CXXC5: variants seen among roughly 807,000 people sequenced by gnomAD.
The protein encoded by CXXC5 is CXXC finger protein 5.
Under a neutral mutation model 17.6 loss-of-function variants are expected in CXXC5, and 2 were observed. The ratio of observed to expected loss-of-function variants is 0.11; its 90% confidence interval spans 0.05 to 0.36. The LOEUF is 0.36. Ranked by LOEUF, CXXC5 falls within the 10% of genes least tolerant of loss-of-function variation. The pLI is 1.00. For missense variants in CXXC5, 343 were observed against 458.3 expected (o/e 0.75, Z 2.30); for synonymous variants, 171 against 193.0 (o/e 0.89, Z 0.94).
intron 1 of CXXC5, among the ~76,000 whole-genome samples, chr5:139,679,227 C>G (rs1366615028): frequency 2.0e-5 from 3 of 152,230 alleles, no homozygotes; most frequent in African/African-American, 7.2e-5. Flanking sequence ...TGTGAGGCCT[C>G]TGCCCACCAC....
intron 1 of CXXC5, among the ~76,000 whole-genome samples, chr5:139,667,248 TC>T (rs1756158383): frequency 6.6e-6 from 1 of 152,162 alleles, no homozygotes; most frequent in Non-Finnish European, 1.5e-5. Context: ...AGGCATTTCC[TC>T]CTCCCACCTC....
At position 139,681,354 on chromosome 5, in the gene CXXC5, G is replaced by A. The variant is rs1228657586; in HGVS notation, c.831G>A (p.Gln277=). 2.5e-6 allele frequency: 4 copies of A among 1,607,038 alleles called. No individual in the cohort carries two copies. The highest frequency in any genetic ancestry group is 3.4e-6 in the Non-Finnish European group (4 of 1,176,140). The change falls in exon 2 of 3, where the codon CAG becomes CAA. Residue 277 remains glutamine, a synonymous_variant. Transcript: ENST00000302517. ...APCRRRINCE[Q]CSSCRNRKTG... Reference sequence around the variant, plus strand: ...GCCGGCGGCGCATCAACTGCGAGCAGTGCAGCAGTTGTAGGAATCGAAAGA... The same window carrying A: ...GCCGGCGGCGCATCAACTGCGAGCAATGCAGCAGTTGTAGGAATCGAAAGA...
At chr5:139,678,806 TG>T (rs1202516449) in intron 1 of CXXC5, among the ~76,000 whole-genome samples, 5 of 152,180 alleles carry the variant, frequency 3.3e-5, no homozygotes, top group African/African-American at 1.2e-4. Flanking sequence ...GCCCGCCAGA[TG>T]TGCGCCTCCC....
intron 2 of CXXC5, among the ~76,000 whole-genome samples, chr5:139,681,746 A>G (rs1250633099): frequency 1.3e-5 from 2 of 152,248 alleles, no homozygotes; most frequent in African/African-American, 2.4e-5. Context: ...GTTCTGGGTC[A>G]GGTATTGAGA....
chr5:139,656,411 CACA>C (rs1334044450), intron 1 of CXXC5, among the ~76,000 whole-genome samples: 5 of 152,228 alleles, frequency 3.3e-5, no homozygotes, highest in African/African-American at 1.2e-4. Context: ...CTCACACAGG[CACA>C]CATATGTACG....
In CXXC5 at chr5:139,661,330, C is replaced by T. The variant is rs768264465; in HGVS notation, c.-161+12485C>T. Among the ~76,000 whole-genome samples the T allele has an allele frequency of 5.3e-5, 8 of 152,164 alleles. No homozygotes were observed. Among genetic ancestry groups the T allele is most frequent in the South Asian group, 2.1e-4 (1 of 4,828 alleles). The stretch of plus-strand genomic sequence containing the variant: ...GCCTGGCAGTTAGAGTGCACACTCA[C>T]GCACCCCACACGCGGCACACCCAGG... On this transcript the variant is annotated intron_variant, in intron 1 of 2. Coordinates refer to ENST00000302517, the MANE Select transcript of CXXC5 (RefSeq NM_016463.9). The surrounding 1 kb of genome is among the most constrained non-coding windows in gnomAD (Gnocchi z 4.7).
Position 139,681,113 on chromosome 5 carries a change from C to T in CXXC5, c.590C>T (p.Ala197Val). The T allele has an allele frequency of 6.2e-7, 1 of 1,612,724 alleles. No individual in the cohort carries two copies. The highest frequency in any genetic ancestry group is 8.5e-7 in the Non-Finnish European group (1 of 1,179,950). ...GGCCTGCCTGACATGGAGGCTGTGG[C>T]AGGTGCCGAAGCCCTCAATGGCCAG... ...GAGLPDMEAV[A>V]GAEALNGQSD... The change falls in exon 2 of 3, where the codon GCA becomes GTA. Residue 197 changes from alanine to valine, a missense_variant. This residue lies in a region of CXXC5 where 297 missense variants were observed against 363.4 expected (regional missense o/e 0.82). Coordinates refer to ENST00000302517, the MANE Select transcript of CXXC5 (RefSeq NM_016463.9).
rs1366304385 is a variant in CXXC5, at chr5:139,668,741, G to T, written c.-160-11623G>T. Among the ~76,000 whole-genome samples, 2 of 152,216 alleles carry T rather than the reference G, an allele frequency of 1.3e-5. No individual in the cohort carries two copies. The highest frequency in any genetic ancestry group is 4.8e-5 in the African/African-American group (2 of 41,444). On this transcript the variant is annotated intron_variant, in intron 1 of 2. Coordinates refer to ENST00000302517, the MANE Select transcript of CXXC5 (RefSeq NM_016463.9). This position sits in a 1 kb window ranked among gnomAD's most constrained non-coding sequence, Gnocchi z 4.1. ...GAGAGATATGCTTATCCCAGGCGGA[G>T]CGGAGAAGGCTGGGGGATGACTGAT...
chr5:139,677,491 T>C (rs601728), intron 1 of CXXC5, among the ~76,000 whole-genome samples: 50,560 of 152,098 alleles, frequency 0.33, 8,777 homozygotes, highest in Middle Eastern at 0.45. Context: ...GAGCCAGGTA[T>C]CAGGGCCGAT....
chr5:139,674,921 A>G (rs627817), intron 1 of CXXC5, among the ~76,000 whole-genome samples: 52,794 of 151,826 alleles, frequency 0.35, 9,620 homozygotes, highest in Middle Eastern at 0.42. Flanking sequence ...CACACCTCAC[A>G]TCTTCTTCCC....
intron 1 of CXXC5, among the ~76,000 whole-genome samples, chr5:139,655,079 G>A (rs1755414242): frequency 6.6e-6 from 1 of 152,142 alleles, no homozygotes; most frequent in East Asian, 1.9e-4. Context: ...AGGCCTCCTG[G>A]CTTTCTTGAT....
At chr5:139,657,315 T>C (rs1755541731) in intron 1 of CXXC5, among the ~76,000 whole-genome samples, 1 of 152,254 alleles carries the variant, frequency 6.6e-6, no homozygotes, top group South Asian at 2.1e-4. Flanking sequence ...TGCTGTTTCC[T>C]GCACCTTCCA....
In CXXC5 at chr5:139,681,127, C is replaced by A. The variant is rs773682660; in HGVS notation, c.604C>A (p.Leu202Ile). Residue 202 changes from leucine (L) to isoleucine (I), a missense_variant, in exon 2 of 3, where the codon CTC becomes ATC. Leu to Ile is a conservative substitution (Grantham distance 5). Around this residue, in one of 4 missense-constraint regions of CXXC5, gnomAD observed 297 missense variants for 363.4 expected, o/e 0.82. Transcript: ENST00000302517. The part of the protein sequence containing the change: ...DMEAVAGAEA[L>I]NGQSDFPYLG... The stretch of plus-strand genomic sequence containing the variant: ...GGAGGCTGTGGCAGGTGCCGAAGCC[C>A]TCAATGGCCAGTCCGACTTCCCCTA... 6.2e-7 allele frequency: 1 copy of A among 1,612,796 alleles called. No individual in the cohort carries two copies. Among genetic ancestry groups the A allele is most frequent in the Non-Finnish European group, 8.5e-7 (1 of 1,179,966 alleles).
Position 139,667,834 on chromosome 5 carries a change from G to A in CXXC5, c.-160-12530G>A, listed in dbSNP as rs116653712. On this transcript the variant is annotated intron_variant, in intron 1 of 2. Transcript: ENST00000302517. Reference sequence around the variant, plus strand: ...AAGAGATCACGCATATGTTGTTCTCGCCATCCTTATTATTACTACTGACAC... The same window carrying A: ...AAGAGATCACGCATATGTTGTTCTCACCATCCTTATTATTACTACTGACAC... Among the ~76,000 whole-genome samples the A allele has an allele frequency of 1.2e-3, 189 of 152,216 alleles. 1 individual carries two copies. Among genetic ancestry groups the A allele is most frequent in the African/African-American group, 4.2e-3 (176 of 41,522 alleles).
intron 2 of CXXC5, 65 bp downstream of exon 2, chr5:139,681,512 C>G: frequency 6.6e-7 from 1 of 1,504,158 alleles, no homozygotes; most frequent in Non-Finnish European, 8.9e-7. Context: ...AACCCACCCC[C>G]ATCCCCTGAC....
chr5:139,663,010 A>T lies in CXXC5; in HGVS notation c.-161+14165A>T. ...GACCTGGCATTTTTCTGGGGGTGGC[A>T]TCCCACAACAAGGGCTCCTTAATTA... On this transcript the variant is annotated intron_variant, in intron 1 of 2. Coordinates refer to ENST00000302517, the MANE Select transcript of CXXC5 (RefSeq NM_016463.9). The surrounding 1 kb of genome is among the most constrained non-coding windows in gnomAD (Gnocchi z 4.2). Among the ~76,000 whole-genome samples the T allele has an allele frequency of 6.6e-6, 1 of 152,244 alleles. No homozygotes were observed. Among genetic ancestry groups the T allele is most frequent in the Non-Finnish European group, 1.5e-5 (1 of 68,018 alleles).
At chr5:139,656,523 C>A (rs531221352) in intron 1 of CXXC5, among the ~76,000 whole-genome samples, 1 of 152,214 alleles carries the variant, frequency 6.6e-6, no homozygotes, top group African/African-American at 2.4e-5. Context: ...CAGGCAGGGC[C>A]GTGCCTCCTG....
intron 1 of CXXC5, among the ~76,000 whole-genome samples, chr5:139,678,724 CTA>C (rs1013713165): frequency 2.6e-5 from 4 of 151,990 alleles, no homozygotes; most frequent in Non-Finnish European, 5.9e-5. Flanking sequence ...AGTCCTGTGA[CTA>C]GGGGGGTTTT....
In CXXC5 at chr5:139,681,429, G is replaced by A. The variant is rs1757229302; in HGVS notation, c.906G>A (p.Lys302=). 8 of 1,579,160 alleles carry A rather than the reference G, an allele frequency of 5.1e-6. No individual in the cohort carries two copies. The Admixed American group carries it at 1.4e-4, about 28-fold the overall frequency. The change falls in exon 2 of 3, where the codon AAG becomes AAA. Residue 302 remains lysine (K), a synonymous_variant. Coordinates refer to ENST00000302517, the MANE Select transcript of CXXC5 (RefSeq NM_016463.9). The part of the protein sequence containing the change: ...KFRKCEELKK[K]PSAALEKVML... ...GAAAATGTGAGGAACTCAAAAAGAA[G>A]CCTTCCGCTGCTCTGGAGGTAACGG...
Sources: gnomAD v4.1 joint callset for allele counts (sites outside exome capture counted in the v4.1 genomes callset) on GRCh38, gnomAD v4.1.1 for gene constraint, gnomAD v4.1.1 regional missense constraint, Gnocchi (gnomAD v3.1) non-coding constraint, MANE v1.5 for transcripts, NCBI Gene and HGNC (gene_info 2026-07-23, HGNC 2026-07-21) for gene names.